The following LRCH1 variants were observed in gnomAD, a reference collection of about 807,000 sequenced individuals.
LRCH1 encodes leucine-rich repeat and calponin homology domain-containing protein 1.
A neutral mutation model predicts 94.9 loss-of-function variants in LRCH1; 23 were observed. That is an observed-to-expected ratio of 0.24 (90% confidence interval 0.17 to 0.34). LRCH1 has a LOEUF of 0.34. Ranked by LOEUF, LRCH1 falls within the 10% of genes least tolerant of loss-of-function variation. The probability of loss-of-function intolerance (pLI) is 1.00; values close to 1 mark genes in which losing one functional copy is unlikely to be tolerated. For synonymous variants in LRCH1, 364 were observed against 354.9 expected (o/e 1.03, Z -0.29); for missense variants, 790 against 945.9 (o/e 0.84, Z 2.16).
At chr13:46,750,603 A>G in exon 19 of LRCH1, 1 of 1,552,028 alleles carries the variant, frequency 6.4e-7, no homozygotes, top group Non-Finnish European at 8.7e-7. Context: ...GGGCATTACC[A>G]TTCAAGCATT....
At chr13:46,676,902 C>T (rs1035630427) in intron 3 of LRCH1, among the ~76,000 whole-genome samples, 1 of 152,140 alleles carries the variant, frequency 6.6e-6, no homozygotes, top group Non-Finnish European at 1.5e-5. Context: ...CTTAGCCTCC[C>T]GAGTAGCTGA....
Position 46,733,902 on chromosome 13 carries a change from CGTAT to C in LRCH1, c.2008-18_2008-15del. The C allele has an allele frequency of 6.8e-7, 1 of 1,481,314 alleles. No individual in the cohort carries two copies. The highest frequency in any genetic ancestry group is 2.3e-5 in the East Asian group (1 of 43,202). The allele number at this position is 1,481,314 out of a possible 1,614,324, so 91.8% of individuals were successfully genotyped here. ...TCTCTTTTAAATAATATATTATTTCCGTATATTTGCATTTATAGCCCAAACTTAG... is the reference window on the plus strand; with the variant it reads ...TCTCTTTTAAATAATATATTATTTCCATTTGCATTTATAGCCCAAACTTAG... On this transcript the variant is annotated splice_polypyrimidine_tract_variant and intron_variant, in intron 18 of 19. Coordinates refer to ENST00000389797, the MANE Select transcript of LRCH1 (RefSeq NM_001164211.2).
intron 17 of LRCH1, among the ~76,000 whole-genome samples, chr13:46,725,052 C>A (rs894596580): frequency 6.6e-6 from 1 of 152,162 alleles, no homozygotes; most frequent in African/African-American, 2.4e-5. Flanking sequence ...ATGTCCTTTG[C>A]AGCAACATGG....
At position 46,689,171 on chromosome 13, in the gene LRCH1, G is replaced by C; in HGVS notation, c.989G>C (p.Gly330Ala). ...GATTCGGGAGTTGGAAGTGATAATG[G>C]AGATAAGCGATTATCTGCCACCGAG... ...DSDSGVGSDN[G>A]DKRLSATEPS... The change falls in exon 7 of 20, where the codon GGA becomes GCA. Residue 330 changes from glycine to alanine, a missense_variant. By Grantham distance (60) the Gly-to-Ala change is moderately conservative (BLOSUM62 0). Around this residue, in one of 3 missense-constraint regions of LRCH1, gnomAD observed 194 missense variants for 293.5 expected, o/e 0.66. Coordinates refer to ENST00000389797, the MANE Select transcript of LRCH1 (RefSeq NM_001164211.2). The C allele has an allele frequency of 6.2e-7, 1 of 1,611,266 alleles. No individual in the cohort carries two copies. The highest frequency in any genetic ancestry group is 8.5e-7 in the Non-Finnish European group (1 of 1,178,494).
chr13:46,559,042 A>G (rs746205194), intron 1 of LRCH1, among the ~76,000 whole-genome samples: 3 of 152,210 alleles, frequency 2.0e-5, no homozygotes, highest in Non-Finnish European at 4.4e-5. Flanking sequence ...GCTGACTTCC[A>G]CACCCTATTC....
chr13:46,573,089 A>G (rs1383947488), intron 1 of LRCH1, among the ~76,000 whole-genome samples: 2 of 152,210 alleles, frequency 1.3e-5, no homozygotes, highest in Non-Finnish European at 2.9e-5. Context: ...TCTGAGAGAC[A>G]TTCAATACAT....
intron 19 of LRCH1, 74 bp downstream of exon 19, chr13:46,734,072 A>G (rs1873249117): frequency 2.8e-6 from 2 of 718,934 alleles, no homozygotes; most frequent in African/African-American, 1.8e-5. Flanking sequence ...GAACCATTGA[A>G]TCGATGCAAA....
At chr13:46,556,706 G>A (rs2050070131) in intron 1 of LRCH1, among the ~76,000 whole-genome samples, 1 of 152,140 alleles carries the variant, frequency 6.6e-6, no homozygotes, top group Admixed American at 6.5e-5. Flanking sequence ...TGGTCAACCG[G>A]TGATTGGAAC....
downstream of LRCH1, among the ~76,000 whole-genome samples, chr13:46,748,958 G>A (rs1215390471): frequency 6.6e-6 from 1 of 152,216 alleles, no homozygotes; most frequent in African/African-American, 2.4e-5. Context: ...AGTGGAACAA[G>A]TTATTGGAGA....
chr13:46,626,861 TAAA>T (rs943732583), intron 1 of LRCH1, among the ~76,000 whole-genome samples: 1 of 152,206 alleles, frequency 6.6e-6, no homozygotes, highest in Non-Finnish European at 1.5e-5. Context: ...AAGATTTTTT[TAAA>T]AAAACAGCAA....
intron 3 of LRCH1, among the ~76,000 whole-genome samples, chr13:46,670,913 C>T (rs1029022304): frequency 6.6e-6 from 1 of 152,264 alleles, no homozygotes; most frequent in Non-Finnish European, 1.5e-5. Flanking sequence ...GAGTAGGAAG[C>T]CGTTTAATCC....
intron 1 of LRCH1, among the ~76,000 whole-genome samples, chr13:46,628,949 T>A (rs951955222): frequency 6.6e-6 from 1 of 152,344 alleles, no homozygotes; most frequent in South Asian, 2.1e-4. Context: ...CTAAACATCA[T>A]GGAATGTACC....
intron 1 of LRCH1, among the ~76,000 whole-genome samples, chr13:46,601,468 A>T (rs987235298): frequency 2.0e-5 from 3 of 152,206 alleles, no homozygotes; most frequent in Non-Finnish European, 4.4e-5. Flanking sequence ...TAATGAATAG[A>T]GGAGAATGAC....
chr13:46,730,051 A>G (rs1873022333), intron 18 of LRCH1, among the ~76,000 whole-genome samples: 1 of 152,218 alleles, frequency 6.6e-6, no homozygotes, highest in African/African-American at 2.4e-5. Context: ...GGTTGTTCAG[A>G]TGAAAGTGGA....
At chr13:46,733,249 G>T (rs749877172) in intron 18 of LRCH1, among the ~76,000 whole-genome samples, 1 of 152,152 alleles carries the variant, frequency 6.6e-6, no homozygotes, top group Non-Finnish European at 1.5e-5. Flanking sequence ...TATGAAATGT[G>T]CCTGTTACCC....
intron 6 of LRCH1, 129 bp downstream of exon 6, chr13:46,688,108 C>G (rs1236336113): frequency 2.2e-6 from 2 of 923,914 alleles, no homozygotes; most frequent in African/African-American, 3.4e-5. Context: ...CAAAACAGAA[C>G]AATTTGGTTT....
intron 1 of LRCH1, among the ~76,000 whole-genome samples, chr13:46,613,738 C>T (rs577828773): frequency 2.0e-5 from 3 of 152,310 alleles, no homozygotes; most frequent in Admixed American, 6.5e-5. Flanking sequence ...GTAGCTGTAA[C>T]GATTCAAACA....
At chr13:46,633,924 G>A (rs935602804) in intron 1 of LRCH1, among the ~76,000 whole-genome samples, 9 of 141,462 alleles carry the variant, frequency 6.4e-5, no homozygotes, top group Admixed American at 3.0e-4. Context: ...TCTGTCGCCC[G>A]GCTGGAGTTC....
chr13:46,657,339 A>C (rs1273929751), intron 2 of LRCH1, among the ~76,000 whole-genome samples: 2 of 151,390 alleles, frequency 1.3e-5, no homozygotes, highest in Admixed American at 1.3e-4. Context: ...ATCCTCTAAG[A>C]ACACTGCACT....
Sources: allele counts gnomAD v4.1 joint callset (sites outside exome capture counted in the v4.1 genomes callset), GRCh38; gene constraint gnomAD v4.1.1; regional missense constraint gnomAD v4.1.1; transcripts MANE v1.5; gene names NCBI Gene and HGNC (gene_info 2026-07-23, HGNC 2026-07-21).